RUSF1: variants seen among roughly 807,000 people sequenced by gnomAD.
The protein encoded by RUSF1 is RUS family member 1.
A neutral mutation model predicts 63.0 loss-of-function variants in RUSF1; 58 were observed. The observed-to-expected ratio is 0.92, with a 90% CI of 0.75 to 1.15. The LOEUF (loss-of-function observed/expected upper bound fraction) is 1.15. Ranked by LOEUF, RUSF1 falls within the 50% of genes most tolerant of loss-of-function variation. The pLI is 0.00. For missense variants in RUSF1, 652 were observed against 611.0 expected (o/e 1.07, Z -0.71); for synonymous variants, 274 against 255.8 (o/e 1.07, Z -0.68).
chr16:31,500,393 C>T (rs1172541401), intron 3 of RUSF1, among the ~76,000 whole-genome samples: 1 of 152,178 alleles, frequency 6.6e-6, no homozygotes, highest in African/African-American at 2.4e-5. Context: ...GGGCAGGTAA[C>T]TTCCCTCATG....
chr16:31,493,145 C>G (rs2082582343), intron 9 of RUSF1, 97 bp from the exon 10 acceptor site: 1 of 1,284,234 alleles, frequency 7.8e-7, no homozygotes, highest in Non-Finnish European at 1.1e-6. Context: ...TGAAATGATC[C>G]AGGCTTCACT....
At chr16:31,492,465 CCCTTT>C in intron 10 of RUSF1, 125 bp from the exon 11 acceptor site, 2 of 1,121,660 alleles carry the variant, frequency 1.8e-6, no homozygotes, top group East Asian at 2.7e-5. Flanking sequence ...TAGCACCTCA[CCCTTT>C]CCTTTCCAAT....
At chr16:31,501,626 A>G (rs1178984771) in intron 2 of RUSF1, among the ~76,000 whole-genome samples, 1 of 151,594 alleles carries the variant, frequency 6.6e-6, no homozygotes, top group Non-Finnish European at 1.5e-5. Context: ...TTTGAACTGC[A>G]GCTGGGGTTG....
chr16:31,505,096 C>T (rs544623207), intron 2 of RUSF1, among the ~76,000 whole-genome samples: 1 of 152,106 alleles, frequency 6.6e-6, no homozygotes, highest in Non-Finnish European at 1.5e-5. Flanking sequence ...CCTGACTGTT[C>T]CCCAGCCCGA....
In RUSF1 at chr16:31,490,133, T is replaced by C. The variant is rs147022245; in HGVS notation, c.*702A>G. On this transcript the variant is annotated 3_prime_UTR_variant, in exon 13 of 13. Coordinates refer to ENST00000327237, the MANE Select transcript of RUSF1 (RefSeq NM_022744.4). ...ACCGCCTGGTCTTCAGTCTCCGGCATAGCAAGGAGGAACGGGAGGACCTGG... is the reference window on the plus strand; with the variant it reads ...ACCGCCTGGTCTTCAGTCTCCGGCACAGCAAGGAGGAACGGGAGGACCTGG... 16 of 1,613,888 alleles carry C rather than the reference T, an allele frequency of 9.9e-6. No individual in the cohort carries two copies. In the African/African-American group the frequency reaches 1.1e-4, roughly 11 times the overall value.
chr16:31,493,012 T>C lies in RUSF1; in HGVS notation c.1053A>G (p.Gln351=), dbSNP rs2082580893. ...FELQQLVEGH[Q]ESYLLCWDQS... ...GGTCCCAGCAGAGGAGGTAGGATTC[T>C]TGGTGCCCCTCAACCAGCTGCTGCA... is the stretch of plus-strand genomic sequence containing the variant. Residue 351 remains glutamine, a synonymous_variant, in exon 10 of 13, where the codon CAA becomes CAG. Transcript: ENST00000327237. 2 of 1,613,622 alleles carry C rather than the reference T, an allele frequency of 1.2e-6. No homozygotes were observed. The highest frequency in any genetic ancestry group is 1.7e-6 in the Non-Finnish European group (2 of 1,179,736).
In RUSF1 at chr16:31,493,374, G is replaced by A. The variant is rs2082584050; in HGVS notation, c.1016+93C>T. ...GCAGCAATGAAGAACCCAGGACAGAGAGGTGGGGCCTTGCCAGGGAGGCCA... is the reference window on the plus strand; with the variant it reads ...GCAGCAATGAAGAACCCAGGACAGAAAGGTGGGGCCTTGCCAGGGAGGCCA... On this transcript the variant is annotated intron_variant, in intron 9 of 12. Transcript: ENST00000327237. 3 of 1,455,852 alleles carry A rather than the reference G, an allele frequency of 2.1e-6. No homozygotes were observed. The Admixed American group carries it at 5.9e-5, about 29-fold the overall frequency. 90.2% of individuals were successfully genotyped at this position (1,455,852 alleles called of 1,614,324 possible). A position where few individuals can be genotyped will look rare whatever the true frequency, so the allele number is the denominator to read the frequency against.
intron 12 of RUSF1, 54 bp downstream of exon 12, chr16:31,491,955 G>GC (rs1293461720): frequency 6.3e-7 from 1 of 1,592,908 alleles, no homozygotes; most frequent in Non-Finnish European, 8.6e-7. Flanking sequence ...GGAAGGCGGG[G>GC]CCCCCAGGGA....
Position 31,489,963 on chromosome 16 carries a change from G to C in RUSF1, c.*872C>G. 9.1e-7 allele frequency: 1 copy of C among 1,104,018 alleles called. No individual in the cohort carries two copies. The highest frequency in any genetic ancestry group is 1.3e-6 in the Non-Finnish European group (1 of 744,478). The allele number at this position is 1,104,018 out of a possible 1,614,324, so 68.4% of individuals were successfully genotyped here. ...AGGGCAGCCATGTAGGGTGGAGTTGGCATGAGTTAAGCCTGGGCTGGGTGT... is the reference window on the plus strand; with the variant it reads ...AGGGCAGCCATGTAGGGTGGAGTTGCCATGAGTTAAGCCTGGGCTGGGTGT... On this transcript the variant is annotated 3_prime_UTR_variant, in exon 13 of 13. Transcript: ENST00000327237.
chr16:31,491,616 G>GTTT (rs2082568610), intron 12 of RUSF1, among the ~76,000 whole-genome samples: 1 of 143,856 alleles, frequency 7.0e-6, no homozygotes, highest in African/African-American at 2.6e-5. Context: ...GTGCCCGACA[G>GTTT]TCTTTTTTTT....
In RUSF1 at chr16:31,490,225, T is replaced by A; in HGVS notation, c.*610A>T. On this transcript the variant is annotated 3_prime_UTR_variant, in exon 13 of 13. Coordinates refer to ENST00000327237, the MANE Select transcript of RUSF1 (RefSeq NM_022744.4). ...GGGTGCCCAGAGAGTGCCATGGAGA[T>A]GAATGGTAGGGCACCATGCTGGGAG... 1 of 1,614,106 alleles carries A rather than the reference T, an allele frequency of 6.2e-7. No homozygotes were observed. Among genetic ancestry groups the A allele is most frequent in the South Asian group, 1.1e-5 (1 of 91,074 alleles).
intron 12 of RUSF1, among the ~76,000 whole-genome samples, chr16:31,491,755 G>A (rs1238806340): frequency 1.3e-5 from 2 of 151,470 alleles, no homozygotes; most frequent in East Asian, 2.0e-4. Flanking sequence ...GCAACCACAA[G>A]AGCAGAACCA....
chr16:31,495,873 T>G (rs989517064), intron 6 of RUSF1, among the ~76,000 whole-genome samples: 1 of 152,212 alleles, frequency 6.6e-6, no homozygotes, highest in Non-Finnish European at 1.5e-5. Flanking sequence ...ACTTGGCACA[T>G]GGTTAGTGCT....
chr16:31,504,579 T>C (rs551199075), intron 2 of RUSF1, among the ~76,000 whole-genome samples: 4 of 152,296 alleles, frequency 2.6e-5, no homozygotes, highest in African/African-American at 9.6e-5. Flanking sequence ...CGGCCAAGGT[T>C]AAGCATTCCT....
chr16:31,491,964 G>C, intron 12 of RUSF1, 45 bp downstream of exon 12: 1 of 1,606,026 alleles, frequency 6.2e-7, no homozygotes, highest in Non-Finnish European at 8.5e-7. Context: ...GGCCCCCAGG[G>C]ACAAGGCTTC....
intron 9 of RUSF1, 75 bp downstream of exon 9, chr16:31,493,392 G>A (rs1225904989): frequency 8.6e-6 from 13 of 1,514,402 alleles, no homozygotes; most frequent in African/African-American, 1.4e-5. Flanking sequence ...GCCTTGCCAG[G>A]GAGGCCAGTG....
intron 2 of RUSF1, among the ~76,000 whole-genome samples, chr16:31,502,668 C>G (rs1019655982): frequency 6.6e-6 from 1 of 152,220 alleles, no homozygotes; most frequent in Non-Finnish European, 1.5e-5. Context: ...CCATTTCTGT[C>G]CTGACTCTGG....
At chr16:31,492,407 A>T (rs575313022) in intron 10 of RUSF1, 67 bp from the exon 11 acceptor site, 2 of 1,463,270 alleles carry the variant, frequency 1.4e-6, no homozygotes, top group Admixed American at 2.5e-5. Context: ...CTATCCCATC[A>T]CCCTGCTTCC....
rs1237282397 is a variant in RUSF1 at position 31,507,747 on chromosome 16, C to T, written c.415+17G>A. The T allele has an allele frequency of 6.4e-7, 1 of 1,554,366 alleles. No individual in the cohort carries two copies. The highest frequency in any genetic ancestry group is 1.4e-5 in the African/African-American group (1 of 73,344). ...GCTGAAAGCAGCAATACGTGAGGCT[C>T]CAGGGGTGCAGCTCACCTTTCACGA... On this transcript the variant is annotated intron_variant, in intron 2 of 12. Coordinates refer to ENST00000327237, the MANE Select transcript of RUSF1 (RefSeq NM_022744.4).
Sources: gnomAD v4.1 joint callset for allele counts (sites outside exome capture counted in the v4.1 genomes callset) on GRCh38, gnomAD v4.1.1 for gene constraint, MANE v1.5 for transcripts, NCBI Gene and HGNC (gene_info 2026-07-23, HGNC 2026-07-21) for gene names.